Variants in TEKT4 observed in about 807,000 individuals in gnomAD.
The protein encoded by TEKT4 is tektin-4.
TEKT4 carries 46 observed loss-of-function variants against 46.0 expected under a neutral mutation model. That is an observed-to-expected ratio of 1.00 (90% CI 0.79 to 1.28). The LOEUF (loss-of-function observed/expected upper bound fraction) is 1.28. TEKT4 is among the 50% of genes most tolerant of loss of function. The pLI is 0.00. For missense variants in TEKT4, 790 were observed against 622.9 expected, an observed-to-expected ratio of 1.27 and a Z score of -2.85; for synonymous variants, 325 against 265.8, an observed-to-expected ratio of 1.22 and a Z score of -2.17.
At chr2:94,875,464 G>A (rs1680800122) in intron 4 of TEKT4, 124 bp from the exon 5 acceptor site, 8 of 1,448,220 alleles carry the variant, frequency 5.5e-6, no homozygotes, top group South Asian at 4.0e-5. Context: ...CGCCTCCCCA[G>A]GGCCACTGGT....
Position 94,875,643 on chromosome 2 carries a change from T to C in TEKT4, c.992T>C (p.Ile331Thr), listed in dbSNP as rs1553396272. ...EHNVAALKQA[I>T]KDKEAPLHVA... The stretch of plus-strand genomic sequence containing the variant: ...AACGTGGCGGCACTGAAGCAGGCCA[T>C]CAAGGACAAAGAGGCACCTCTGCAC... The change falls in exon 5 of 6, where the codon ATC becomes ACC. Residue 331 changes from isoleucine to threonine, a missense_variant. Ile to Thr is a moderately conservative substitution (Grantham distance 89). Transcript: ENST00000295201. 1.2e-6 allele frequency: 2 copies of C among 1,614,150 alleles called. No homozygotes were observed. The highest frequency in any genetic ancestry group is 2.2e-5 in the South Asian group (2 of 91,080).
In TEKT4 at chr2:94,871,672, C is replaced by T. The variant is rs558725034; in HGVS notation, c.93C>T (p.Thr31=). Residue 31 remains threonine, a synonymous_variant, in exon 1 of 6, where the codon ACC becomes ACT. Transcript: ENST00000295201. ...CCTACACGTCCTCCGGCCTGGCCAC[C>T]GCCAGCTTCCGCACCTCCAAGTACC... ...TGAYTSSGLA[T]ASFRTSKYLL... The T allele has an allele frequency of 4.3e-6, 7 of 1,612,564 alleles. No individual in the cohort carries two copies. The African/African-American group carries it at 5.3e-5, about 12-fold the overall frequency.
At chr2:94,873,461 G>A (rs1268410325) in intron 1 of TEKT4, 59 bp from the exon 2 acceptor site, 2 of 1,610,690 alleles carry the variant, frequency 1.2e-6, no homozygotes, top group Admixed American at 1.7e-5. Context: ...GCAGCAGCTG[G>A]GCCTCCTGGG....
At chr2:94,876,325 G>T (rs1264122572) in intron 5 of TEKT4, among the ~76,000 whole-genome samples, 1 of 152,140 alleles carries the variant, frequency 6.6e-6, no homozygotes, top group Non-Finnish European at 1.5e-5. Context: ...GTCCTGCCAG[G>T]GTCGAGATTG....
intron 2 of TEKT4, 23 bp from the exon 3 acceptor site, chr2:94,873,942 G>A (rs781919266): frequency 6.2e-7 from 1 of 1,612,936 alleles, no homozygotes; most frequent in Non-Finnish European, 8.5e-7. Flanking sequence ...CACACATCAA[G>A]GCCCTGCCCC....
chr2:94,875,020 A>G, intron 4 of TEKT4, 22 bp downstream of exon 4: 1 of 1,566,022 alleles, frequency 6.4e-7, no homozygotes, highest in Non-Finnish European at 8.7e-7. Context: ...TGAACCCCGA[A>G]GACGGCCCCC....
chr2:94,872,956 G>A lies in TEKT4; in HGVS notation c.499-564G>A, dbSNP rs1424414590. The A allele has an allele frequency of 3.1e-6, 4 of 1,289,472 alleles. No homozygotes were observed. The Admixed American group carries it at 6.9e-5, about 22-fold the overall frequency. The allele number at this position is 1,289,472 out of a possible 1,614,324, so 79.9% of individuals were successfully genotyped here. A position where few individuals can be genotyped will look rare whatever the true frequency, so the allele number is the denominator to read the frequency against. The stretch of plus-strand genomic sequence containing the variant: ...GCAAACCCAGGGATAGAGGGGCGCA[G>A]GACCCGGGCCCTGGCACACAAGGAA... On this transcript the variant is annotated intron_variant, in intron 1 of 5. Transcript: ENST00000295201.
At chr2:94,876,080 T>G (rs1318448386) in intron 5 of TEKT4, among the ~76,000 whole-genome samples, 1 of 152,178 alleles carries the variant, frequency 6.6e-6, no homozygotes, top group Non-Finnish European at 1.5e-5. Flanking sequence ...GGCAGGGCCA[T>G]TCCCTGCTGC....
chr2:94,872,131 C>G lies in TEKT4; in HGVS notation c.498+54C>G, dbSNP rs541873636. The G allele has an allele frequency of 3.5e-5, 52 of 1,476,214 alleles. No individual in the cohort carries two copies. In the African/African-American group the frequency reaches 6.1e-4, roughly 17 times the overall value. 91.4% of individuals were successfully genotyped at this position (1,476,214 alleles called of 1,614,324 possible). A position where few individuals can be genotyped will look rare whatever the true frequency, so the allele number is the denominator to read the frequency against. On this transcript the variant is annotated intron_variant, in intron 1 of 5. Coordinates refer to ENST00000295201, the MANE Select transcript of TEKT4 (RefSeq NM_144705.4). ...TGTGGGCGCAGAGAGGAGGAGCCCC[C>G]CCCCCCGCAGTTCATGTGGACAAGC...
chr2:94,875,389 G>A (rs1235304879), intron 4 of TEKT4, among the ~76,000 whole-genome samples, 199 bp from the exon 5 acceptor site: 2 of 152,168 alleles, frequency 1.3e-5, no homozygotes, highest in Non-Finnish European at 2.9e-5. Flanking sequence ...ACAGCTAAGG[G>A]ACAACAGGCT....
chr2:94,874,754 C>T (rs1195559183), intron 3 of TEKT4, 22 bp from the exon 4 acceptor site: 17 of 1,536,556 alleles, frequency 1.1e-5, no homozygotes, highest in Non-Finnish European at 1.5e-5. Flanking sequence ...CGACCCTCTC[C>T]TGGCTGTCCC....
At position 94,875,615 on chromosome 2, in the gene TEKT4, C is replaced by G; in HGVS notation, c.964C>G (p.His322Asp). ...ACTGCGGGAAATCACAGATCAGGAA[C>G]ACAACGTGGCGGCACTGAAGCAGGC... ...KTLREITDQE[H>D]NVAALKQAIK... The change falls in exon 5 of 6, where the codon CAC becomes GAC. Residue 322 changes from histidine to aspartate, a missense_variant. Coordinates refer to ENST00000295201, the MANE Select transcript of TEKT4 (RefSeq NM_144705.4). 2 of 1,614,150 alleles carry G rather than the reference C, an allele frequency of 1.2e-6. No homozygotes were observed. The highest frequency in any genetic ancestry group is 1.7e-6 in the Non-Finnish European group (2 of 1,179,986).
chr2:94,876,624 A>T lies in TEKT4; in HGVS notation c.1163A>T (p.Gln388Leu). The change falls in exon 6 of 6, where the codon CAG becomes CTG. Residue 388 changes from glutamine to leucine, a missense_variant. Coordinates refer to ENST00000295201, the MANE Select transcript of TEKT4 (RefSeq NM_144705.4). The part of the protein sequence containing the change: ...ALREKLLEAE[Q>L]SLRNLEDIHM... ...CGAGAGAAGCTTCTAGAAGCGGAGC[A>T]GTCCCTGCGCAACCTCGAGGACATC... The T allele has an allele frequency of 1.9e-6, 3 of 1,613,150 alleles. No individual in the cohort carries two copies. The African/African-American group carries it at 4.0e-5, about 21-fold the overall frequency.
chr2:94,876,556 G>A lies in TEKT4; in HGVS notation c.1095G>A (p.Leu365=), dbSNP rs782382615. 11 of 1,605,270 alleles carry A rather than the reference G, an allele frequency of 6.9e-6. No homozygotes were observed. The Admixed American group carries it at 8.4e-5, about 12-fold the overall frequency. Reference sequence around the variant, plus strand: ...CACACCCCCCCAACACCCCCAGGCTGTTGAGTGAGGTGGAGGAGCTGAACA... The same window carrying A: ...CACACCCCCCCAACACCCCCAGGCTATTGAGTGAGGTGGAGGAGCTGAACA... The part of the protein sequence containing the change: ...ELCRDAAQFR[L]LSEVEELNMS... Residue 365 remains leucine (L), a synonymous_variant, in exon 6 of 6, where the codon CTG becomes CTA. Coordinates refer to ENST00000295201, the MANE Select transcript of TEKT4 (RefSeq NM_144705.4).
At chr2:94,873,770 C>A (rs1680690772) in intron 2 of TEKT4, among the ~76,000 whole-genome samples, 180 bp downstream of exon 2, 1 of 152,170 alleles carries the variant, frequency 6.6e-6, no homozygotes, top group Non-Finnish European at 1.5e-5. Context: ...GGCCAGAGCC[C>A]AGTGCCACAT....
chr2:94,873,601 G>A lies in TEKT4; in HGVS notation c.569+11G>A, dbSNP rs782346408. 2.2e-5 allele frequency: 35 copies of A among 1,613,430 alleles called. No individual in the cohort carries two copies. Among genetic ancestry groups the A allele is most frequent in the South Asian group, 1.1e-4 (10 of 91,062 alleles). ...AGTGAGCCAGATCCGGTGGGTAGAG[G>A]GCTGCCCAAGGGATGATTCCTGACC... is the stretch of plus-strand genomic sequence containing the variant. On this transcript the variant is annotated intron_variant, in intron 2 of 5. Coordinates refer to ENST00000295201, the MANE Select transcript of TEKT4 (RefSeq NM_144705.4).
chr2:94,874,194 A>G, intron 3 of TEKT4, 86 bp downstream of exon 3: 1 of 1,496,814 alleles, frequency 6.7e-7, no homozygotes. Flanking sequence ...TGCTTTCACC[A>G]GCCTGGCCCG....
Position 94,873,878 on chromosome 2 carries a change from G to A in TEKT4, c.570-87G>A, listed in dbSNP as rs1414960865. On this transcript the variant is annotated intron_variant, in intron 2 of 5. Coordinates refer to ENST00000295201, the MANE Select transcript of TEKT4 (RefSeq NM_144705.4). Reference sequence around the variant, plus strand: ...CCACCCAGAACTCCCTCCTGAGGCAGGCATTGGGGCCCAGCCTGCAGCACA... The same window carrying A: ...CCACCCAGAACTCCCTCCTGAGGCAAGCATTGGGGCCCAGCCTGCAGCACA... The A allele has an allele frequency of 3.2e-6, 5 of 1,556,896 alleles. No individual in the cohort carries two copies. The African/African-American group carries it at 5.4e-5, about 17-fold the overall frequency.
intron 2 of TEKT4, 111 bp downstream of exon 2, chr2:94,873,701 A>G: frequency 6.9e-7 from 1 of 1,457,582 alleles, no homozygotes; most frequent in Non-Finnish European, 9.4e-7. Context: ...GGGCTGCCCC[A>G]GGTCACAGTG....
Sources: gnomAD v4.1 joint callset for allele counts (sites outside exome capture counted in the v4.1 genomes callset) on GRCh38, gnomAD v4.1.1 for gene constraint, MANE v1.5 for transcripts, NCBI Gene and HGNC (gene_info 2026-07-23, HGNC 2026-07-21) for gene names.